CLDN14: variants seen among roughly 807,000 people sequenced by gnomAD.
CLDN14 encodes claudin-14.
A neutral mutation model predicts 2.1 loss-of-function variants in CLDN14; 2 were observed. The observed-to-expected ratio is 0.96, with a 90% CI of 0.39 to 3.01. The LOEUF (loss-of-function observed/expected upper bound fraction) is 3.01, where lower values mean the gene tolerates loss of function less well. CLDN14 is among the 30% of genes most tolerant of loss of function. The pLI is 0.09. For missense variants in CLDN14, 298 were observed against 328.0 expected (o/e 0.91, Z 0.71); for synonymous variants, 136 against 154.4 (o/e 0.88, Z 0.88).
chr21:36,520,795 G>A (rs2087263725), intron 1 of CLDN14, among the ~76,000 whole-genome samples: 1 of 151,928 alleles, frequency 6.6e-6, no homozygotes, highest in Admixed American at 6.6e-5. Context: ...AATCCACCAG[G>A]AGCCACAATG....
chr21:36,471,992 T>G (rs1007821919), intron 1 of CLDN14, among the ~76,000 whole-genome samples: 1 of 152,230 alleles, frequency 6.6e-6, no homozygotes, highest in Admixed American at 6.5e-5. Flanking sequence ...GTAAAAACAG[T>G]CATAGTTAAA....
At chr21:36,513,771 A>T (rs2146486726) in intron 1 of CLDN14, among the ~76,000 whole-genome samples, 1 of 152,324 alleles carries the variant, frequency 6.6e-6, no homozygotes, top group Non-Finnish European at 1.5e-5. Flanking sequence ...GTAGGGAGAT[A>T]TATTTAATAC....
intron 2 of CLDN14, among the ~76,000 whole-genome samples, chr21:36,489,500 GTGCT>G (rs1427951502): frequency 1.3e-5 from 2 of 152,170 alleles, no homozygotes; most frequent in African/African-American, 2.4e-5. Flanking sequence ...TCTCCAGGGT[GTGCT>G]GTGGGAAGGC....
intron 1 of CLDN14, among the ~76,000 whole-genome samples, chr21:36,534,205 G>A (rs965084155): frequency 2.6e-5 from 4 of 151,998 alleles, no homozygotes; most frequent in African/African-American, 9.7e-5. Flanking sequence ...GGGTTCAAGC[G>A]ATTCTCCTGC....
chr21:36,486,942 G>T, intron 2 of CLDN14: 1 of 541,438 alleles, frequency 1.8e-6, no homozygotes. Context: ...TAGCCAGTGT[G>T]ATGAGGGCCA....
At chr21:36,562,651 C>T (rs541762146) in intron 1 of CLDN14, among the ~76,000 whole-genome samples, 146 of 151,434 alleles carry the variant, frequency 9.6e-4, no homozygotes, top group Admixed American at 1.9e-3. Context: ...GAAATGCGTT[C>T]ACCCTTATCT....
rs754032374 is a variant in CLDN14 at position 36,461,595 on chromosome 21, G to A, written c.101C>T (p.Ala34Val). Residue 34 changes from alanine (A) to valine (V), a missense_variant, in exon 2 of 2, where the codon GCG becomes GTG. Coordinates refer to ENST00000399135, the MANE Select transcript of CLDN14 (RefSeq NM_001146079.2). ...CGTGAGGATGTTGGTGCCCACGTGC[G>A]CTGTCCTCCGCCAGTGCGGCAGGAT... is the stretch of plus-strand genomic sequence containing the variant. Reference protein sequence around the residue: ...TTILPHWRRTAHVGTNILTAV... With the variant: ...TTILPHWRRTVHVGTNILTAV... 3.1e-6 allele frequency: 5 copies of A among 1,608,844 alleles called. No homozygotes were observed. Among genetic ancestry groups the A allele is most frequent in the African/African-American group, 2.7e-5 (2 of 74,824 alleles).
intron 1 of CLDN14, among the ~76,000 whole-genome samples, chr21:36,575,489 T>C (rs2087735518): frequency 1.3e-5 from 2 of 152,324 alleles, no homozygotes; most frequent in South Asian, 4.1e-4. Context: ...GTTTTGACTC[T>C]AGATAGCTTA....
At chr21:36,540,576 C>G (rs912500189) in intron 1 of CLDN14, among the ~76,000 whole-genome samples, 1 of 151,786 alleles carries the variant, frequency 6.6e-6, no homozygotes, top group Non-Finnish European at 1.5e-5. Flanking sequence ...AAATCCCACT[C>G]GTTCCTGCCA....
At chr21:36,506,855 C>A (rs73382011) in intron 2 of CLDN14, among the ~76,000 whole-genome samples, 6,392 of 151,736 alleles carry the variant, frequency 0.042, 452 homozygotes, top group African/African-American at 0.15. Flanking sequence ...GCAGTGCTTC[C>A]CACCTATAAT....
At chr21:36,574,211 A>G (rs1022937269) in intron 1 of CLDN14, among the ~76,000 whole-genome samples, 15 of 152,216 alleles carry the variant, frequency 9.9e-5, no homozygotes, top group African/African-American at 3.4e-4. Flanking sequence ...CGGACATGCA[A>G]ATCAACTGAA....
chr21:36,466,763 T>A (rs2086651201), intron 1 of CLDN14, among the ~76,000 whole-genome samples: 2 of 152,082 alleles, frequency 1.3e-5, no homozygotes, highest in Non-Finnish European at 2.9e-5. Flanking sequence ...CAGCATTAAC[T>A]CAAAAGTCCA....
chr21:36,574,163 G>A (rs1397655445), intron 1 of CLDN14, among the ~76,000 whole-genome samples: 2 of 152,138 alleles, frequency 1.3e-5, no homozygotes, highest in African/African-American at 2.4e-5. Flanking sequence ...ATATGATAAA[G>A]CTACAGTAGT....
At chr21:36,531,384 C>T (rs888751620) in intron 1 of CLDN14, among the ~76,000 whole-genome samples, 31 of 151,840 alleles carry the variant, frequency 2.0e-4, no homozygotes, top group Admixed American at 1.2e-3. Flanking sequence ...TCCTGGGTTC[C>T]AGCCTCCCAG....
chr21:36,504,483 A>G (rs1321556881), intron 2 of CLDN14, among the ~76,000 whole-genome samples: 4 of 152,162 alleles, frequency 2.6e-5, no homozygotes, highest in Non-Finnish European at 4.4e-5. Flanking sequence ...ATTTTCTCCA[A>G]GGATTTAAAA....
At chr21:36,521,912 A>G (rs954021229) in intron 1 of CLDN14, among the ~76,000 whole-genome samples, 1 of 152,210 alleles carries the variant, frequency 6.6e-6, no homozygotes, top group Non-Finnish European at 1.5e-5. Context: ...ATTGGAAAAT[A>G]TCTAGTGTTT....
At chr21:36,511,401 A>C (rs1387397573) in intron 1 of CLDN14, among the ~76,000 whole-genome samples, 1 of 152,134 alleles carries the variant, frequency 6.6e-6, no homozygotes, top group Admixed American at 6.5e-5. Flanking sequence ...CAATTTTCCT[A>C]TGTGGATTTT....
intron 1 of CLDN14, among the ~76,000 whole-genome samples, chr21:36,523,033 T>C (rs1194866472): frequency 6.6e-6 from 1 of 152,148 alleles, no homozygotes; most frequent in Admixed American, 6.5e-5. Flanking sequence ...ACCAGGCACT[T>C]GGCAGTGACC....
intron 1 of CLDN14, among the ~76,000 whole-genome samples, chr21:36,552,058 GA>G (rs1234658032): frequency 6.6e-6 from 1 of 152,204 alleles, no homozygotes; most frequent in Non-Finnish European, 1.5e-5. Flanking sequence ...CATCCACCCC[GA>G]AACATTTGCA....
Sources: allele counts gnomAD v4.1 joint callset (sites outside exome capture counted in the v4.1 genomes callset), GRCh38; gene constraint gnomAD v4.1.1; transcripts MANE v1.5; gene names NCBI Gene and HGNC (gene_info 2026-07-23, HGNC 2026-07-21).